Variants in SAMD10 observed in about 807,000 individuals in gnomAD.
SAMD10 encodes sterile alpha motif domain containing 10, also known as sterile alpha motif domain-containing protein 10.
Under a neutral mutation model 22.5 loss-of-function variants are expected in SAMD10, and 16 were observed. That is an observed-to-expected ratio of 0.71 (90% CI 0.48 to 1.08). SAMD10 has a LOEUF of 1.08. Ranked by LOEUF, SAMD10 falls within the 50% of genes least tolerant of loss-of-function variation. The probability of loss-of-function intolerance (pLI) is 0.00; values close to 1 mark genes in which losing one functional copy is unlikely to be tolerated. For synonymous variants in SAMD10, 118 were observed against 122.2 expected, an observed-to-expected ratio of 0.97 and a Z score of 0.23; for missense variants, 227 against 281.3, an observed-to-expected ratio of 0.81 and a Z score of 1.38.
At chr20:63,980,060 G>A, upstream of SAMD10, 1 of 152,852 alleles carries the variant, frequency 6.5e-6, no homozygotes, top group Non-Finnish European at 1.5e-5. Flanking sequence ...AGAGGGGGCG[G>A]TACAGTGCTC....
Position 63,979,509 on chromosome 20 carries a change from A to G in SAMD10, c.-42T>C. On this transcript the variant is annotated 5_prime_UTR_variant, in exon 1 of 5. Transcript: ENST00000369886. The surrounding 1 kb of genome is among the most constrained non-coding windows in gnomAD (Gnocchi z 7.7). ...AGGCCCGCGCACACGCCCCTCGCCG[A>G]GTGCAGGGCGGCCGGTGTGGCCGGC... 2 of 1,161,184 alleles carry G rather than the reference A, an allele frequency of 1.7e-6. No individual in the cohort carries two copies. Among genetic ancestry groups the G allele is most frequent in the South Asian group, 4.0e-5 (1 of 24,904 alleles). 71.9% of individuals were successfully genotyped at this position (1,161,184 alleles called of 1,614,324 possible).
Position 63,975,446 on chromosome 20 carries a change from G to A in SAMD10, c.*64C>T, listed in dbSNP as rs1458551380. On this transcript the variant is annotated 3_prime_UTR_variant, in exon 5 of 5. Coordinates refer to ENST00000369886, the MANE Select transcript of SAMD10 (RefSeq NM_080621.5). Reference sequence around the variant, plus strand: ...CAAGAGGCGCTGCGGGGCCAGCTTGGCCTCCTCCCTAGCCGTGGACTCCCA... The same window carrying A: ...CAAGAGGCGCTGCGGGGCCAGCTTGACCTCCTCCCTAGCCGTGGACTCCCA... 1.2e-6 allele frequency: 2 copies of A among 1,603,908 alleles called. No individual in the cohort carries two copies. The highest frequency in any genetic ancestry group is 2.2e-5 in the East Asian group (1 of 44,644).
chr20:63,975,611 C>A, intron 4 of SAMD10, 79 bp from the exon 5 acceptor site: 4 of 1,579,282 alleles, frequency 2.5e-6, no homozygotes, highest in South Asian at 1.1e-5. Context: ...GGCCTGCAGC[C>A]GACCTCCTGA....
chr20:63,975,666 A>G (rs1241852716), intron 4 of SAMD10, 26 bp downstream of exon 4: 1 of 1,585,304 alleles, frequency 6.3e-7, no homozygotes, highest in East Asian at 2.3e-5. Context: ...ATCAGCCCCC[A>G]GGCCTCTCTG....
At chr20:63,976,764 CAAAAAAAAAAAAAA>C (rs60461303) in intron 3 of SAMD10, among the ~76,000 whole-genome samples, 193 bp downstream of exon 3, 3 of 63,926 alleles carry the variant, frequency 4.7e-5, no homozygotes, top group African/African-American at 1.3e-4. Context: ...TCTGTCTCAC[CAAAAAAAAAAAAAA>C]AAAAAAAAAA....
chr20:63,976,764 C>CAAAAAAAAAAAAAAAAAAAAAAA (rs60461303), intron 3 of SAMD10, among the ~76,000 whole-genome samples: 3 of 63,894 alleles, frequency 4.7e-5, no homozygotes, highest in African/African-American at 2.0e-4. Flanking sequence ...TCTGTCTCAC[C>CAAAAAAAAAAAAAAAAAAAAAAA]AAAAAAAAAA....
intron 1 of SAMD10, among the ~76,000 whole-genome samples, chr20:63,978,813 T>C (rs2059042094): frequency 6.6e-6 from 1 of 152,180 alleles, no homozygotes. Flanking sequence ...CGCCGGGCTT[T>C]GCAGGGCCTC....
chr20:63,979,258 G>A lies in SAMD10; in HGVS notation c.91+119C>T, dbSNP rs566548179. On this transcript the variant is annotated intron_variant, in intron 1 of 4. Coordinates refer to ENST00000369886, the MANE Select transcript of SAMD10 (RefSeq NM_080621.5). This position sits in a 1 kb window ranked among gnomAD's most constrained non-coding sequence, Gnocchi z 7.7. ...GGGACCCCGTTGAGCCGAGACATCCGCCGAATACCCCCAGCCACCGCCGCT... is the reference window on the plus strand; with the variant it reads ...GGGACCCCGTTGAGCCGAGACATCCACCGAATACCCCCAGCCACCGCCGCT... 90 of 684,560 alleles carry A rather than the reference G, an allele frequency of 1.3e-4. No homozygotes were observed. In the African/African-American group the frequency reaches 1.7e-3, roughly 13 times the overall value. The allele number at this position is 684,560 out of a possible 1,614,324, so 42.4% of individuals were successfully genotyped here. A position where few individuals can be genotyped will look rare whatever the true frequency, so the allele number is the denominator to read the frequency against.
At position 63,975,428 on chromosome 20, in the gene SAMD10, C is replaced by T. The variant is rs542640481; in HGVS notation, c.*82G>A. The T allele has an allele frequency of 1.6e-4, 248 of 1,572,180 alleles. 1 individual carries two copies. The highest frequency in any genetic ancestry group is 8.5e-4 in the Middle Eastern group (5 of 5,904). ...CCGGCATCCCGCAGGGTCCAAGAGG[C>T]GCTGCGGGGCCAGCTTGGCCTCCTC... On this transcript the variant is annotated 3_prime_UTR_variant, in exon 5 of 5. Transcript: ENST00000369886.
chr20:63,978,256 G>A, intron 1 of SAMD10: 1 of 1,272,614 alleles, frequency 7.9e-7, no homozygotes, highest in Admixed American at 2.3e-5. Flanking sequence ...TGAGTCTGGG[G>A]AGGCAGGCGT....
Position 63,974,338 on chromosome 20 carries a change from G to GGT in SAMD10, c.*1170_*1171dup, listed in dbSNP as rs2059007077. The GGT allele has an allele frequency of 6.6e-6, 1 of 152,582 alleles. No homozygotes were observed. The highest frequency in any genetic ancestry group is 2.1e-4 in the South Asian group (1 of 4,842). The allele number at this position is 152,582 out of a possible 1,614,324, so 9.5% of individuals were successfully genotyped here. A position where few individuals can be genotyped will look rare whatever the true frequency, so the allele number is the denominator to read the frequency against. On this transcript the variant is annotated 3_prime_UTR_variant, in exon 5 of 5. Transcript: ENST00000369886. ...GGGGCAGGGATGAGGGTCTCCCCGT[G>GGT]GTGGGGGCTTACAGGATGGGAGCGG...
chr20:63,979,324 TC>T lies in SAMD10; in HGVS notation c.91+52del. 1.0e-6 allele frequency: 1 copy of T among 971,078 alleles called. No homozygotes were observed. The highest frequency in any genetic ancestry group is 1.4e-6 in the Non-Finnish European group (1 of 726,190). The allele number at this position is 971,078 out of a possible 1,614,324, so 60.2% of individuals were successfully genotyped here. A position where few individuals can be genotyped will look rare whatever the true frequency, so the allele number is the denominator to read the frequency against. ...CCCGCCCCGCCCCCGTGCCTCTGGG[TC>T]CCTGAGACCCCCGCCCGAGAAATCC... On this transcript the variant is annotated intron_variant, in intron 1 of 4. Transcript: ENST00000369886. The surrounding 1 kb of genome is among the most constrained non-coding windows in gnomAD (Gnocchi z 7.7).
rs1011791032 is a variant in SAMD10, at chr20:63,977,399, G to A, written c.99C>T (p.Ala33=). Residue 33 remains alanine (A), a synonymous_variant, in exon 2 of 5, where the codon GCC becomes GCT. Transcript: ENST00000369886. The surrounding 1 kb of genome is among the most constrained non-coding windows in gnomAD (Gnocchi z 5.4). ...FGERRDVDAT[A]HFSFCRTLLE... The stretch of plus-strand genomic sequence containing the variant: ...GGAGGGTCCGGCAGAAGCTGAAGTG[G>A]GCAGTGGCTGTGTGTGGGGGTGCCT... 6.2e-6 allele frequency: 10 copies of A among 1,612,652 alleles called. No homozygotes were observed. The African/African-American group carries it at 1.2e-4, about 19-fold the overall frequency.
rs112772665 is a variant in SAMD10, at chr20:63,975,591, C to T, written c.587-59G>A. 1,235 of 1,586,968 alleles carry T rather than the reference C, an allele frequency of 7.8e-4. 8 individuals carry two copies. In the African/African-American group the frequency reaches 0.015, roughly 19 times the overall value. On this transcript the variant is annotated intron_variant, in intron 4 of 4. Coordinates refer to ENST00000369886, the MANE Select transcript of SAMD10 (RefSeq NM_080621.5). Reference sequence around the variant, plus strand: ...GTCTTTGGCATCATCTGCATTAGGGCGCTTACTGGGGCCTGCAGCCGACCT... The same window carrying T: ...GTCTTTGGCATCATCTGCATTAGGGTGCTTACTGGGGCCTGCAGCCGACCT...
At position 63,977,329 on chromosome 20, in the gene SAMD10, G is replaced by C. The variant is rs1333278297; in HGVS notation, c.169C>G (p.Arg57Gly). The change falls in exon 2 of 5, where the codon CGG (arginine) becomes GGG (glycine). Residue 57 changes from arginine to glycine, a missense_variant. By Grantham distance (125) the Arg-to-Gly change is moderately radical (BLOSUM62 -2). Coordinates refer to ENST00000369886, the MANE Select transcript of SAMD10 (RefSeq NM_080621.5). This position sits in a 1 kb window ranked among gnomAD's most constrained non-coding sequence, Gnocchi z 5.4. Reference protein sequence around the residue: ...SAESIPCHLPRTPGTSLTWHD... With the variant: ...SAESIPCHLPGTPGTSLTWHD... ...CACGTGAGGCTGGTGCCAGGTGTCC[G>C]AGGCAAGTGGCAGGGGATGCTCTCA... 3 of 1,613,402 alleles carry C rather than the reference G, an allele frequency of 1.9e-6. No homozygotes were observed. The highest frequency in any genetic ancestry group is 2.2e-5 in the South Asian group (2 of 91,046).
intron 1 of SAMD10, among the ~76,000 whole-genome samples, chr20:63,978,978 G>C (rs2059043783): frequency 1.3e-5 from 2 of 152,206 alleles, no homozygotes; most frequent in Admixed American, 1.3e-4. Flanking sequence ...TGTCGGTCCG[G>C]TCCCTCCCGC....
rs1171810018 is a variant in SAMD10 at position 63,977,709 on chromosome 20, A to T, written c.92-303T>A. ...CCCTCTAGGGAAGGGAACCTGAGACATATGACAAGAGGAGCTATCCTGGGA... is the reference window on the plus strand; with the variant it reads ...CCCTCTAGGGAAGGGAACCTGAGACTTATGACAAGAGGAGCTATCCTGGGA... On this transcript the variant is annotated intron_variant, in intron 1 of 4. Coordinates refer to ENST00000369886, the MANE Select transcript of SAMD10 (RefSeq NM_080621.5). This position sits in a 1 kb window ranked among gnomAD's most constrained non-coding sequence, Gnocchi z 5.4. Among the ~76,000 whole-genome samples the T allele has an allele frequency of 6.6e-6, 1 of 152,256 alleles. No individual in the cohort carries two copies. The highest frequency in any genetic ancestry group is 1.5e-5 in the Non-Finnish European group (1 of 68,038).
At position 63,975,432 on chromosome 20, in the gene SAMD10, G is replaced by A; in HGVS notation, c.*78C>T. ...CATCCCGCAGGGTCCAAGAGGCGCT[G>A]CGGGGCCAGCTTGGCCTCCTCCCTA... On this transcript the variant is annotated 3_prime_UTR_variant, in exon 5 of 5. Transcript: ENST00000369886. 2 of 1,584,386 alleles carry A rather than the reference G, an allele frequency of 1.3e-6. No individual in the cohort carries two copies. The highest frequency in any genetic ancestry group is 1.7e-6 in the Non-Finnish European group (2 of 1,155,932).
At chr20:63,976,023 A>G (rs1166593399) in intron 3 of SAMD10, among the ~76,000 whole-genome samples, 191 bp from the exon 4 acceptor site, 1 of 152,190 alleles carries the variant, frequency 6.6e-6, no homozygotes, top group Non-Finnish European at 1.5e-5. Context: ...AAGTATAAAA[A>G]TTAGCTGGGC....
Sources: gnomAD v4.1 joint callset for allele counts (sites outside exome capture counted in the v4.1 genomes callset) on GRCh38, gnomAD v4.1.1 for gene constraint, Gnocchi (gnomAD v3.1) non-coding constraint, MANE v1.5 for transcripts, NCBI Gene and HGNC (gene_info 2026-07-23, HGNC 2026-07-21) for gene names.